The following MYO9B variants were observed in gnomAD, a reference collection of about 807,000 sequenced individuals.
MYO9B encodes the protein unconventional myosin-IXb.
A neutral mutation model predicts 229.5 loss-of-function variants in MYO9B; 71 were observed. The observed-to-expected ratio is 0.31, with a 90% CI of 0.26 to 0.38. The LOEUF is 0.38. Ranked by LOEUF, MYO9B falls within the 10% of genes least tolerant of loss-of-function variation. MYO9B has a pLI of 1.00. For synonymous variants in MYO9B, 1,185 were observed against 1,235.8 expected, an observed-to-expected ratio of 0.96 and a Z score of 0.86; for missense variants, 2,255 against 2,920.5, an observed-to-expected ratio of 0.77 and a Z score of 5.25.
At chr19:17,099,995 G>A (rs1361645754) in intron 1 of MYO9B, among the ~76,000 whole-genome samples, 2 of 149,660 alleles carry the variant, frequency 1.3e-5, no homozygotes, top group Non-Finnish European at 3.0e-5. Flanking sequence ...GTGGCGGGGT[G>A]CCTGTAATCC....
At chr19:17,132,532 T>TA (rs2072213141) in intron 2 of MYO9B, among the ~76,000 whole-genome samples, 2 of 93,376 alleles carry the variant, frequency 2.1e-5, no homozygotes, top group African/African-American at 9.7e-5. Context: ...ATTATTTTTT[T>TA]TTTTTTTTTT....
intron 15 of MYO9B, 83 bp from the exon 16 acceptor site, chr19:17,183,746 C>T (rs1354392532): frequency 1.4e-5 from 17 of 1,235,918 alleles, no homozygotes; most frequent in South Asian, 4.2e-5. Flanking sequence ...CAGTCTAACC[C>T]GCCAGGCGTG....
chr19:17,162,625 G>A (rs1357419937), intron 9 of MYO9B, among the ~76,000 whole-genome samples, 159 bp downstream of exon 9: 2 of 152,046 alleles, frequency 1.3e-5, no homozygotes, highest in East Asian at 1.9e-4. Context: ...GACAGGCTAC[G>A]AAATTCAACA....
intron 1 of MYO9B, among the ~76,000 whole-genome samples, chr19:17,082,421 C>T (rs1009406506): frequency 3.9e-5 from 6 of 152,142 alleles, no homozygotes; most frequent in Admixed American, 2.6e-4. Context: ...GTCACAGCAG[C>T]ACAGCAGCAG....
chr19:17,153,167 T>TTTG (rs773176433), intron 4 of MYO9B, among the ~76,000 whole-genome samples: 20 of 149,344 alleles, frequency 1.3e-4, no homozygotes, highest in Non-Finnish European at 2.7e-4. Context: ...GTTTTTTTGG[T>TTTG]TTGTTTGTTT....
At chr19:17,207,392 G>C (rs1405769754) in intron 35 of MYO9B, 148 bp downstream of exon 35, 4 of 1,126,242 alleles carry the variant, frequency 3.6e-6, no homozygotes, top group Non-Finnish European at 4.9e-6. Context: ...AGCTACTTTG[G>C]GAGGCCAAGG....
chr19:17,135,622 G>A (rs528635818), intron 2 of MYO9B, among the ~76,000 whole-genome samples: 69 of 152,306 alleles, frequency 4.5e-4, no homozygotes, highest in African/African-American at 7.9e-4. Flanking sequence ...TTGAAAAGTC[G>A]CAGTGTGCTG....
chr19:17,122,655 G>A lies in MYO9B; in HGVS notation c.840+20098G>A, dbSNP rs570844563. The stretch of plus-strand genomic sequence containing the variant: ...TCCAAGATGCTCAGGAGGCTGAGAC[G>A]GGACGATCACTTGAGCCCAGGAGTT... On this transcript the variant is annotated intron_variant, in intron 2 of 39. Transcript: ENST00000682292. Among the ~76,000 whole-genome samples, 15 of 152,330 alleles carry A rather than the reference G, an allele frequency of 9.8e-5. No homozygotes were observed. The South Asian group carries it at 2.1e-3, about 21-fold the overall frequency.
intron 26 of MYO9B, among the ~76,000 whole-genome samples, chr19:17,201,342 C>T (rs767165497): frequency 7.8e-4 from 110 of 140,150 alleles, no homozygotes; most frequent in Non-Finnish European, 1.3e-3. Flanking sequence ...GGTTATACCC[C>T]GTGGGGGTGG....
intron 19 of MYO9B, among the ~76,000 whole-genome samples, chr19:17,189,934 G>A (rs1019009476): frequency 1.3e-5 from 2 of 151,776 alleles, no homozygotes; most frequent in Non-Finnish European, 1.5e-5. Flanking sequence ...GAGAGGTGGC[G>A]GGTGCCTGTA....
At chr19:17,168,115 G>A in intron 11 of MYO9B, 51 bp downstream of exon 11, 1 of 1,600,162 alleles carries the variant, frequency 6.2e-7, no homozygotes, top group South Asian at 1.1e-5. Flanking sequence ...TGGGCACTGG[G>A]TCAGGTTCTG....
chr19:17,108,485 C>T (rs904593175), intron 2 of MYO9B, among the ~76,000 whole-genome samples: 2 of 152,152 alleles, frequency 1.3e-5, no homozygotes, highest in Non-Finnish European at 2.9e-5. Context: ...ATGCCAGGAG[C>T]ACTCCCCACC....
intron 24 of MYO9B, 143 bp from the exon 25 acceptor site, chr19:17,200,150 G>A (rs2073091421): frequency 2.8e-6 from 3 of 1,068,644 alleles, no homozygotes; most frequent in Non-Finnish European, 3.9e-6. Context: ...TGGGATTACA[G>A]GCATAAGCCA....
In MYO9B at chr19:17,194,790, A is replaced by G; in HGVS notation, c.3363A>G (p.Pro1121=). ...ACTCCTCACCTGAGAAGGAGGCCCCAAGCCCAGAGAAGACTCTCCCACCCC... is the reference window on the plus strand; with the variant it reads ...ACTCCTCACCTGAGAAGGAGGCCCCGAGCCCAGAGAAGACTCTCCCACCCC... The part of the protein sequence containing the change: ...LEHSSPEKEA[P]SPEKTLPPQK... The change falls in exon 22 of 40, where the codon CCA becomes CCG. Residue 1121 remains proline (P), a synonymous_variant. Coordinates refer to ENST00000682292, the MANE Select transcript of MYO9B (RefSeq NM_004145.4). 8 of 1,613,376 alleles carry G rather than the reference A, an allele frequency of 5.0e-6. No homozygotes were observed. The highest frequency in any genetic ancestry group is 6.8e-6 in the Non-Finnish European group (8 of 1,179,882).
intron 18 of MYO9B, among the ~76,000 whole-genome samples, chr19:17,187,114 C>T (rs1221715825): frequency 2.6e-5 from 4 of 152,190 alleles, no homozygotes; most frequent in African/African-American, 9.7e-5. Flanking sequence ...GCTTAAAGCC[C>T]ACTGAGGCAG....
chr19:17,149,369 G>T (rs1313876982), intron 3 of MYO9B, among the ~76,000 whole-genome samples: 1 of 152,138 alleles, frequency 6.6e-6, no homozygotes, highest in Non-Finnish European at 1.5e-5. Flanking sequence ...GGGCTGGCCT[G>T]GCCCAGCCCA....
rs751068640 is a variant in MYO9B, at chr19:17,163,074, T to C, written c.1623T>C (p.Asn541=). The change falls in exon 10 of 40, where the codon AAT becomes AAC. Residue 541 remains asparagine, a synonymous_variant. Coordinates refer to ENST00000682292, the MANE Select transcript of MYO9B (RefSeq NM_004145.4). ...SFEQFCINYA[N]EQLQYYFNQH... ...AGCAGTTCTGCATCAACTACGCCAA[T>C]GAGCAGCTGCAGTATTACTTCAACC... The C allele has an allele frequency of 2.5e-6, 4 of 1,581,924 alleles. No homozygotes were observed. Among genetic ancestry groups the C allele is most frequent in the Non-Finnish European group, 1.7e-6 (2 of 1,163,410 alleles).
intron 2 of MYO9B, among the ~76,000 whole-genome samples, chr19:17,144,969 C>CAAAAAAAAAAAAAAAA (rs58527501): frequency 3.6e-5 from 3 of 83,570 alleles, no homozygotes; most frequent in Admixed American, 1.3e-4. Context: ...GACTTCATCT[C>CAAAAAAAAAAAAAAAA]AAAAAAAAAA....
intron 20 of MYO9B, among the ~76,000 whole-genome samples, chr19:17,192,544 G>A (rs531833855): frequency 2.6e-5 from 4 of 152,150 alleles, no homozygotes; most frequent in South Asian, 2.1e-4. Context: ...GCAGTGAGCC[G>A]AGATCATGCC....
Sources: gnomAD v4.1 joint callset for allele counts (sites outside exome capture counted in the v4.1 genomes callset) on GRCh38, gnomAD v4.1.1 for gene constraint, MANE v1.5 for transcripts, NCBI Gene and HGNC (gene_info 2026-07-23, HGNC 2026-07-21) for gene names.